Variants in PAICS observed in about 807,000 individuals in gnomAD.
PAICS encodes phosphoribosylaminoimidazole carboxylase and phosphoribosylaminoimidazolesuccinocarboxamide synthase, also known as bifunctional phosphoribosylaminoimidazole carboxylase/phosphoribosylaminoimidazole succinocarboxamide synthetase.
PAICS carries 33 observed loss-of-function variants against 53.7 expected under a neutral mutation model. The ratio of observed to expected loss-of-function variants is 0.61; its 90% CI spans 0.47 to 0.82. PAICS has a LOEUF of 0.82. Among genes scored for constraint, PAICS ranks in the 40% least tolerant of loss-of-function variants. PAICS has a pLI of 0.00. For synonymous variants in PAICS, 141 were observed against 167.2 expected, an observed-to-expected ratio of 0.84 and a Z score of 1.21; for missense variants, 394 against 494.1, an observed-to-expected ratio of 0.80 and a Z score of 1.92.
rs1226883428 is a variant in PAICS at position 56,461,366 on chromosome 4, G to C, written c.*1828G>C. ...TAAAAGGACTTAGAAGATTAACTTTGGTTTCATGGTCTCTGAAGTCACTGA... is the reference window on the plus strand; with the variant it reads ...TAAAAGGACTTAGAAGATTAACTTTCGTTTCATGGTCTCTGAAGTCACTGA... On this transcript the variant is annotated 3_prime_UTR_variant, in exon 9 of 9. Transcript: ENST00000512576. 6.6e-6 allele frequency: 1 copy of C among 152,102 alleles called. No homozygotes were observed. Among genetic ancestry groups the C allele is most frequent in the African/African-American group, 2.4e-5 (1 of 41,418 alleles). 9.4% of individuals were successfully genotyped at this position (152,102 alleles called of 1,614,324 possible).
chr4:56,434,318 G>A (rs957044519), upstream of PAICS, among the ~76,000 whole-genome samples: 5 of 152,154 alleles, frequency 3.3e-5, no homozygotes, highest in African/African-American at 1.2e-4. Context: ...TTTGGAATGC[G>A]TTTATACGTG....
At position 56,464,531 on chromosome 4, in the gene PAICS, T is replaced by G. The variant is rs1172505384; in HGVS notation, c.*4993T>G. On this transcript the variant is annotated 3_prime_UTR_variant, in exon 9 of 9. Transcript: ENST00000512576. ...ATTACCACCAAACATAGTACATGTT[T>G]ATTTATTACCCATCTCTCCCAACTA... 2 of 152,232 alleles carry G rather than the reference T, an allele frequency of 1.3e-5. No homozygotes were observed. The highest frequency in any genetic ancestry group is 3.8e-4 in the East Asian group (2 of 5,196). 9.4% of individuals were successfully genotyped at this position (152,232 alleles called of 1,614,324 possible).
At chr4:56,430,602 C>G in the PAICS span, among the ~76,000 whole-genome samples, 1 of 151,944 alleles carries the variant, frequency 6.6e-6, no homozygotes, top group African/African-American at 2.4e-5. Context: ...CCCCTTATAA[C>G]CTTTTATCTC....
the PAICS span, among the ~76,000 whole-genome samples, chr4:56,415,296 A>T: frequency 6.6e-6 from 1 of 152,244 alleles, no homozygotes; most frequent in Non-Finnish European, 1.5e-5. Context: ...CAATCAAAAG[A>T]TACTTATCCG....
intron 8 of PAICS, among the ~76,000 whole-genome samples, chr4:56,458,037 A>G (rs747512619): frequency 6.6e-6 from 1 of 152,188 alleles, no homozygotes; most frequent in Non-Finnish European, 1.5e-5. Context: ...TAAAGCTGTA[A>G]CCAAATTTAT....
At chr4:56,450,073 G>A (rs1367238114) in intron 5 of PAICS, among the ~76,000 whole-genome samples, 4 of 152,012 alleles carry the variant, frequency 2.6e-5, no homozygotes, top group African/African-American at 9.7e-5. Flanking sequence ...ACACAGGAAC[G>A]GAAAACCAAA....
chr4:56,454,390 A>G (rs746455987), intron 8 of PAICS, among the ~76,000 whole-genome samples: 10 of 152,200 alleles, frequency 6.6e-5, no homozygotes, highest in Middle Eastern at 3.2e-3. Context: ...TTAATCTACC[A>G]TTCTGCAAAC....
In PAICS at chr4:56,464,204, G is replaced by A. The variant is rs909810101; in HGVS notation, c.*4666G>A. 4 of 152,024 alleles carry A rather than the reference G, an allele frequency of 2.6e-5. No homozygotes were observed. Among genetic ancestry groups the A allele is most frequent in the African/African-American group, 9.7e-5 (4 of 41,372 alleles). 9.4% of individuals were successfully genotyped at this position (152,024 alleles called of 1,614,324 possible). On this transcript the variant is annotated 3_prime_UTR_variant, in exon 9 of 9. Transcript: ENST00000512576. ...TCTCATAATCTGTACATATCCTATT[G>A]GTTCTGTATTTTTTAGAGAACAAAT...
At chr4:56,445,128 CTT>C (rs1718545290) in intron 2 of PAICS, among the ~76,000 whole-genome samples, 1 of 152,002 alleles carries the variant, frequency 6.6e-6, no homozygotes, top group Non-Finnish European at 1.5e-5. Flanking sequence ...ACAATTCTTT[CTT>C]TTTTTCATTT....
At chr4:56,442,312 A>C (rs149337797) in intron 2 of PAICS, among the ~76,000 whole-genome samples, 7 of 152,304 alleles carry the variant, frequency 4.6e-5, no homozygotes, top group East Asian at 3.9e-4. Context: ...GTAGTTGAAG[A>C]CAGCAACCAA....
At chr4:56,454,541 C>G (rs996588713) in intron 8 of PAICS, among the ~76,000 whole-genome samples, 1 of 152,126 alleles carries the variant, frequency 6.6e-6, no homozygotes, top group Admixed American at 6.5e-5. Flanking sequence ...ATTGTCTCAT[C>G]TGTTTGTTCA....
chr4:56,429,065 C>T, the PAICS span: 1 of 354,092 alleles, frequency 2.8e-6, no homozygotes, highest in East Asian at 1.7e-4. Flanking sequence ...TTGCTTTTTC[C>T]TGATAACAGA....
chr4:56,425,668 C>T, the PAICS span, among the ~76,000 whole-genome samples: 9 of 152,168 alleles, frequency 5.9e-5, no homozygotes, highest in Non-Finnish European at 1.0e-4. Context: ...AATGAGGCTA[C>T]TCTAGGTGGG....
chr4:56,432,787 C>CAAAAA (rs5858378), upstream of PAICS, among the ~76,000 whole-genome samples: 1 of 82,438 alleles, frequency 1.2e-5, no homozygotes, highest in Non-Finnish European at 2.8e-5. Flanking sequence ...GACTCTGTCT[C>CAAAAA]AAAAAAAAAA....
chr4:56,434,591 G>A (rs1437476494), upstream of PAICS, among the ~76,000 whole-genome samples: 1 of 152,090 alleles, frequency 6.6e-6, no homozygotes, highest in African/African-American at 2.4e-5. Flanking sequence ...ATGGATCTTG[G>A]CATAGAGACA....
intron 7 of PAICS, among the ~76,000 whole-genome samples, chr4:56,453,192 C>T (rs1202105758): frequency 6.6e-6 from 1 of 152,082 alleles, no homozygotes; most frequent in African/African-American, 2.4e-5. Flanking sequence ...TGTCCCTAAA[C>T]CCCTAGTTTA....
chr4:56,411,989 T>G, the PAICS span, among the ~76,000 whole-genome samples: 1 of 152,204 alleles, frequency 6.6e-6, no homozygotes, highest in Non-Finnish European at 1.5e-5. Context: ...ATTACCATAT[T>G]AAACAGCAAT....
Position 56,446,882 on chromosome 4 carries a change from C to G in PAICS, c.393+9C>G. 1.3e-6 allele frequency: 2 copies of G among 1,550,438 alleles called. No individual in the cohort carries two copies. The highest frequency in any genetic ancestry group is 2.3e-5 in the South Asian group (2 of 87,256). On this transcript the variant is annotated intron_variant, in intron 3 of 8. Transcript: ENST00000512576. The stretch of plus-strand genomic sequence containing the variant: ...TGGAGTTGTTTTTCAAGGTAATTAT[C>G]TTATGCCTCTGTTTTATGTCTTACT...
In PAICS at chr4:56,453,629, G is replaced by T; in HGVS notation, c.979G>T (p.Ala327Ser). 6.3e-7 allele frequency: 1 copy of T among 1,590,628 alleles called. No individual in the cohort carries two copies. Among genetic ancestry groups the T allele is most frequent in the Non-Finnish European group, 8.6e-7 (1 of 1,167,630 alleles). ...EGDGIPTVFV[A>S]VAGRSNGLGP... ...GGATGGCATTCCTACTGTATTTGTG[G>T]CAGTGGCAGGCAGAAGTAATGGTTT... The change falls in exon 8 of 9, where the codon GCA (alanine) becomes TCA (serine). Residue 327 changes from alanine to serine, a missense_variant. Around this residue, in one of 3 missense-constraint regions of PAICS, gnomAD observed 131 missense variants for 205.5 expected, o/e 0.64. Transcript: ENST00000512576.
Sources: allele counts gnomAD v4.1 joint callset (sites outside exome capture counted in the v4.1 genomes callset), GRCh38; gene constraint gnomAD v4.1.1; regional missense constraint gnomAD v4.1.1; transcripts MANE v1.5; gene names NCBI Gene and HGNC (gene_info 2026-07-23, HGNC 2026-07-21).